Variants in ABCC1 observed in about 807,000 individuals in gnomAD.
ABCC1 encodes the protein multidrug resistance-associated protein 1.
ABCC1 carries 83 observed loss-of-function variants against 172.9 expected under a neutral mutation model. The observed-to-expected ratio is 0.48, with a 90% CI of 0.40 to 0.58. The LOEUF is 0.58. Among genes scored for constraint, ABCC1 ranks in the 20% least tolerant of loss-of-function variants. The probability of loss-of-function intolerance (pLI) is 0.00; values close to 1 mark genes in which losing one functional copy is unlikely to be tolerated. For missense variants in ABCC1, 1,817 were observed against 2,002.7 expected, an observed-to-expected ratio of 0.91 and a Z score of 1.77; for synonymous variants, 937 against 825.2, an observed-to-expected ratio of 1.14 and a Z score of -2.32.
At chr16:16,115,699 C>T (rs2044829846) in intron 23 of ABCC1, among the ~76,000 whole-genome samples, 1 of 152,000 alleles carries the variant, frequency 6.6e-6, no homozygotes, top group Non-Finnish European at 1.5e-5. Flanking sequence ...CTGCAGGAGG[C>T]AGGAACTAAA....
intron 21 of ABCC1, 53 bp from the exon 22 acceptor site, chr16:16,111,310 GTGGGGCTGGGGC>G: frequency 7.8e-7 from 1 of 1,285,178 alleles, no homozygotes; most frequent in Admixed American, 1.7e-5. Context: ...CCCCGACCTT[GTGGGGCTGGGGC>G]TGGGGCTGGG....
At chr16:16,018,728 G>T (rs1431926139) in intron 5 of ABCC1, among the ~76,000 whole-genome samples, 1 of 151,910 alleles carries the variant, frequency 6.6e-6, no homozygotes, top group African/African-American at 2.4e-5. Context: ...GGTAGTCATA[G>T]GCATGTATAT....
chr16:16,120,974 A>G (rs934702902), intron 23 of ABCC1, among the ~76,000 whole-genome samples: 13 of 152,186 alleles, frequency 8.5e-5, no homozygotes, highest in Non-Finnish European at 1.5e-4. Flanking sequence ...GCTTACTGTT[A>G]GGTCAAACTA....
chr16:16,036,458 TG>T lies in ABCC1; in HGVS notation c.678-13del. The T allele has an allele frequency of 6.2e-7, 1 of 1,610,288 alleles. No homozygotes were observed. Among genetic ancestry groups the T allele is most frequent in the Non-Finnish European group, 8.5e-7 (1 of 1,178,038 alleles). On this transcript the variant is annotated splice_polypyrimidine_tract_variant and intron_variant, in intron 6 of 30. Transcript: ENST00000399410. Reference sequence around the variant, plus strand: ...TGACTCTCATTGCCTAACCCCCTTGTGTCTTGGCCCCAGGTTGATTGTCCGG... The same window carrying T: ...TGACTCTCATTGCCTAACCCCCTTGTTCTTGGCCCCAGGTTGATTGTCCGG...
chr16:16,109,621 C>T (rs933106253), intron 21 of ABCC1, among the ~76,000 whole-genome samples: 1 of 152,208 alleles, frequency 6.6e-6, no homozygotes, highest in East Asian at 1.9e-4. Context: ...CCCTGTCTCT[C>T]ATGTCAGGCG....
chr16:16,044,293 C>T (rs1036263742), intron 7 of ABCC1, among the ~76,000 whole-genome samples, 157 bp from the exon 8 acceptor site: 14 of 152,180 alleles, frequency 9.2e-5, no homozygotes, highest in Non-Finnish European at 1.8e-4. Flanking sequence ...GCTCTGGAGC[C>T]CGTGTTTGTA....
intron 10 of ABCC1, among the ~76,000 whole-genome samples, chr16:16,050,555 T>G (rs2049384878): frequency 6.6e-6 from 1 of 151,338 alleles, no homozygotes; most frequent in East Asian, 1.9e-4. Flanking sequence ...GAGTAAAGTG[T>G]TTCTAATAAT....
chr16:16,112,547 G>A (rs1163897464), intron 22 of ABCC1, among the ~76,000 whole-genome samples: 1 of 152,164 alleles, frequency 6.6e-6, no homozygotes, highest in Non-Finnish European at 1.5e-5. Flanking sequence ...AGTCCTGTGA[G>A]GTAGGAGTTA....
intron 20 of ABCC1, among the ~76,000 whole-genome samples, chr16:16,105,714 C>CTTTTTTTTTT (rs71137912): frequency 4.6e-5 from 6 of 130,396 alleles, no homozygotes; most frequent in African/African-American, 5.8e-5. Flanking sequence ...CTTTTCTTTT[C>CTTTTTTTTTT]TTTTTTTTTT....
intron 13 of ABCC1, among the ~76,000 whole-genome samples, chr16:16,069,621 TAGC>T (rs985281093): frequency 7.9e-5 from 12 of 152,110 alleles, no homozygotes; most frequent in African/African-American, 2.9e-4. Context: ...ACAAGGCTGA[TAGC>T]AGGCTTTGTC....
intron 26 of ABCC1, among the ~76,000 whole-genome samples, chr16:16,129,054 C>A (rs967167736): frequency 6.6e-6 from 1 of 152,162 alleles, no homozygotes; most frequent in Admixed American, 6.6e-5. Context: ...CTGTTCGCCC[C>A]GTTCCTCTCC....
chr16:16,015,812 A>G (rs1046482998), intron 4 of ABCC1, among the ~76,000 whole-genome samples: 2 of 152,216 alleles, frequency 1.3e-5, no homozygotes, highest in Admixed American at 6.5e-5. Context: ...ACCACAAAGA[A>G]GATATCCCCA....
chr16:16,105,755 A>C (rs1596509691), intron 20 of ABCC1, among the ~76,000 whole-genome samples: 1 of 136,764 alleles, frequency 7.3e-6, no homozygotes, highest in Non-Finnish European at 1.5e-5. Context: ...TCTGTCGCCC[A>C]GGCTGGAGTG....
At chr16:15,952,697 G>A (rs1309777141) in intron 1 of ABCC1, among the ~76,000 whole-genome samples, 1 of 138,288 alleles carries the variant, frequency 7.2e-6, no homozygotes, top group South Asian at 2.4e-4. Flanking sequence ...AATGGGCCTG[G>A]GACTTTTTGT....
Position 16,056,483 on chromosome 16 carries a change from A to G in ABCC1, c.1677+188A>G, listed in dbSNP as rs561945587. The G allele has an allele frequency of 3.6e-5, 23 of 630,326 alleles. No individual in the cohort carries two copies. In the East Asian group the frequency reaches 5.3e-4, roughly 14 times the overall value. 39.0% of individuals were successfully genotyped at this position (630,326 alleles called of 1,614,324 possible). ...GGAGTTCAAGACCAGCCTGGCCAAC[A>G]TGGTGAAACCCAGTCTCTACTAAAA... On this transcript the variant is annotated intron_variant, in intron 12 of 30. Coordinates refer to ENST00000399410, the MANE Select transcript of ABCC1 (RefSeq NM_004996.4).
In ABCC1 at chr16:16,124,315, C is replaced by CTT. The variant is rs1555502567; in HGVS notation, c.3591-473_3591-472insTT. The stretch of plus-strand genomic sequence containing the variant: ...ACATCTTTTTGTTGTTGTTAATGCA[C>CTT]TGTGTGTGTGTGTGTGTGTGTGTGT... On this transcript the variant is annotated intron_variant, in intron 24 of 30. Transcript: ENST00000399410. Among the ~76,000 whole-genome samples the CTT allele has an allele frequency of 8.1e-4, 30 of 36,836 alleles. 1 individual carries two copies. The highest frequency in any genetic ancestry group is 1.7e-3 in the Non-Finnish European group (29 of 17,496). 24.2% of individuals were successfully genotyped at this position (36,836 alleles called of 152,430 possible). A position where few individuals can be genotyped will look rare whatever the true frequency, so the allele number is the denominator to read the frequency against.
chr16:16,108,451 G>A (rs910824148), intron 21 of ABCC1, among the ~76,000 whole-genome samples: 7 of 150,860 alleles, frequency 4.6e-5, no homozygotes, highest in Middle Eastern at 3.2e-3. Flanking sequence ...TTGTATTTTC[G>A]GTAGAGATGG....
intron 1 of ABCC1, among the ~76,000 whole-genome samples, chr16:15,992,463 A>C (rs1445872410): frequency 1.3e-5 from 2 of 151,870 alleles, no homozygotes; most frequent in Non-Finnish European, 2.9e-5. Context: ...GCAGTGGCAC[A>C]ATCTCGGCTC....
At chr16:16,064,016 T>C (rs1295926879) in intron 12 of ABCC1, among the ~76,000 whole-genome samples, 1 of 152,068 alleles carries the variant, frequency 6.6e-6, no homozygotes, top group Non-Finnish European at 1.5e-5. Context: ...GCTCATAGGT[T>C]GACACTGGGA....
Sources: allele counts gnomAD v4.1 joint callset (sites outside exome capture counted in the v4.1 genomes callset), GRCh38; gene constraint gnomAD v4.1.1; transcripts MANE v1.5; gene names NCBI Gene and HGNC (gene_info 2026-07-23, HGNC 2026-07-21).